The following SGMS1 variants were observed in gnomAD, a reference collection of about 807,000 sequenced individuals.
SGMS1 encodes the protein phosphatidylcholine:ceramide cholinephosphotransferase 1.
In SGMS1, 13 loss-of-function variants were observed where a neutral mutation model predicts 46.2. The ratio of observed to expected loss-of-function variants is 0.28; its 90% CI spans 0.18 to 0.45. SGMS1 has a LOEUF of 0.45. Among genes scored for constraint, SGMS1 ranks in the 20% least tolerant of loss-of-function variants. The pLI, the probability that SGMS1 is intolerant of heterozygous loss-of-function variation, is 1.00. For synonymous variants in SGMS1, 203 were observed against 187.8 expected, an observed-to-expected ratio of 1.08 and a Z score of -0.66; for missense variants, 324 against 519.9, an observed-to-expected ratio of 0.62 and a Z score of 3.66.
chr10:50,364,777 G>A (rs1012757185), intron 6 of SGMS1, among the ~76,000 whole-genome samples: 1 of 152,110 alleles, frequency 6.6e-6, no homozygotes, highest in Non-Finnish European at 1.5e-5. Context: ...CCATCAAAAT[G>A]TCCTAGAGGA....
Position 50,315,827 on chromosome 10 carries a change from C to T in SGMS1, c.742-4412G>A, listed in dbSNP as rs149931097. On this transcript the variant is annotated intron_variant, in intron 8 of 10. Coordinates refer to ENST00000361781, the MANE Select transcript of SGMS1 (RefSeq NM_147156.4). The stretch of plus-strand genomic sequence containing the variant: ...TGTGCATTATGGTTTCCCAGGGTCA[C>T]AGAAAACCAATAACCAGTAAAAACA... Among the ~76,000 whole-genome samples, 16 of 152,160 alleles carry T rather than the reference C, an allele frequency of 1.1e-4. 1 individual carries two copies. Among genetic ancestry groups the T allele is most frequent in the African/African-American group, 3.6e-4 (15 of 41,428 alleles).
chr10:50,363,399 G>A (rs539222590), intron 6 of SGMS1, among the ~76,000 whole-genome samples: 1 of 152,274 alleles, frequency 6.6e-6, no homozygotes, highest in East Asian at 1.9e-4. Flanking sequence ...AAAGTATGAG[G>A]AATTGGTGGC....
At chr10:50,561,842 A>G (rs1838239176) in intron 2 of SGMS1, among the ~76,000 whole-genome samples, 1 of 152,056 alleles carries the variant, frequency 6.6e-6, no homozygotes, top group East Asian at 1.9e-4. Context: ...GCTGATCTCT[A>G]CTCACTAATA....
intron 6 of SGMS1, among the ~76,000 whole-genome samples, chr10:50,410,583 G>A (rs994804995): frequency 2.0e-5 from 3 of 152,102 alleles, no homozygotes; most frequent in African/African-American, 7.2e-5. Flanking sequence ...ATGCATAGTG[G>A]GCATGGAACA....
chr10:50,589,399 C>A (rs892914191), intron 2 of SGMS1, among the ~76,000 whole-genome samples: 2 of 150,926 alleles, frequency 1.3e-5, no homozygotes, highest in Admixed American at 6.6e-5. Context: ...GTAGCTAGGA[C>A]TACAGGCATG....
intron 3 of SGMS1, among the ~76,000 whole-genome samples, chr10:50,516,449 A>G (rs531732768): frequency 6.6e-6 from 1 of 152,380 alleles, no homozygotes; most frequent in Admixed American, 6.5e-5. Flanking sequence ...ATAGAAAGAA[A>G]AATGGCATTG....
chr10:50,423,395 T>C (rs1171845691), intron 6 of SGMS1, among the ~76,000 whole-genome samples: 2 of 152,220 alleles, frequency 1.3e-5, no homozygotes, highest in African/African-American at 4.8e-5. Flanking sequence ...TGGGGCCATG[T>C]ACCCATACAG....
At chr10:50,313,380 T>C (rs1010841726) in intron 8 of SGMS1, among the ~76,000 whole-genome samples, 21 of 151,926 alleles carry the variant, frequency 1.4e-4, no homozygotes, top group South Asian at 8.3e-4. Flanking sequence ...CATTAAAAAA[T>C]CTAAAAAAAA....
chr10:50,428,168 C>T (rs1417941530), intron 6 of SGMS1, among the ~76,000 whole-genome samples: 4 of 152,086 alleles, frequency 2.6e-5, no homozygotes, highest in Non-Finnish European at 4.4e-5. Context: ...TCCTGTCTGG[C>T]TCCTTGCAGA....
chr10:50,427,464 G>C (rs1258950186), intron 6 of SGMS1, among the ~76,000 whole-genome samples: 1 of 152,170 alleles, frequency 6.6e-6, no homozygotes, highest in Non-Finnish European at 1.5e-5. Flanking sequence ...ACTAGTGAAT[G>C]AGTCAGTATA....
intron 6 of SGMS1, among the ~76,000 whole-genome samples, chr10:50,427,394 G>T (rs193080824): frequency 6.6e-6 from 1 of 152,114 alleles, no homozygotes; most frequent in African/African-American, 2.4e-5. Flanking sequence ...GCGAGACTCC[G>T]TCACAACAAC....
At chr10:50,458,610 C>A (rs1837226370) in intron 5 of SGMS1, among the ~76,000 whole-genome samples, 1 of 151,934 alleles carries the variant, frequency 6.6e-6, no homozygotes, top group African/African-American at 2.4e-5. Context: ...CTGCCCGTCT[C>A]AGCCTCCCAA....
chr10:50,318,858 G>C (rs1284146084), intron 8 of SGMS1, among the ~76,000 whole-genome samples: 1 of 152,076 alleles, frequency 6.6e-6, no homozygotes, highest in Non-Finnish European at 1.5e-5. Context: ...ACTTGTTTTA[G>C]GGATAGGGGG....
chr10:50,380,300 G>C (rs186791572), intron 6 of SGMS1, among the ~76,000 whole-genome samples: 1 of 151,168 alleles, frequency 6.6e-6, no homozygotes, highest in Non-Finnish European at 1.5e-5. Context: ...AGAATCGCTT[G>C]AGCCCAGGAG....
intron 2 of SGMS1, among the ~76,000 whole-genome samples, chr10:50,562,397 C>A (rs569757867): frequency 6.6e-6 from 1 of 151,750 alleles, no homozygotes; most frequent in Non-Finnish European, 1.5e-5. Context: ...GGCGCGCATG[C>A]GCACTCTTAC....
At chr10:50,518,980 G>C (rs1015806773) in intron 3 of SGMS1, among the ~76,000 whole-genome samples, 1 of 152,032 alleles carries the variant, frequency 6.6e-6, no homozygotes, top group Non-Finnish European at 1.5e-5. Flanking sequence ...TGGAGGGAAG[G>C]GAGACAACAG....
At chr10:50,387,889 T>G (rs1159113860) in intron 6 of SGMS1, among the ~76,000 whole-genome samples, 3 of 152,180 alleles carry the variant, frequency 2.0e-5, no homozygotes, top group Admixed American at 2.0e-4. Flanking sequence ...GGTTACAGCT[T>G]AGTGTTTGCC....
At chr10:50,604,534 A>T (rs753072319) in intron 1 of SGMS1, among the ~76,000 whole-genome samples, 3 of 152,240 alleles carry the variant, frequency 2.0e-5, no homozygotes, top group Non-Finnish European at 4.4e-5. Flanking sequence ...AACCGCAATT[A>T]TCTTTTTTCC....
chr10:50,480,473 G>A (rs1389991409), intron 3 of SGMS1, among the ~76,000 whole-genome samples: 1 of 151,974 alleles, frequency 6.6e-6, no homozygotes, highest in African/African-American at 2.4e-5. Flanking sequence ...CTAGGTAGTT[G>A]GTGTACCATG....
Sources: gnomAD v4.1 joint callset for allele counts (sites outside exome capture counted in the v4.1 genomes callset) on GRCh38, gnomAD v4.1.1 for gene constraint, MANE v1.5 for transcripts, NCBI Gene and HGNC (gene_info 2026-07-23, HGNC 2026-07-21) for gene names.